Variants in LTN1 observed in about 807,000 individuals in gnomAD.
LTN1 encodes listerin E3 ubiquitin protein ligase 1, also known as E3 ubiquitin-protein ligase listerin.
LTN1 carries 88 observed loss-of-function variants against 201.2 expected under a neutral mutation model. The ratio of observed to expected loss-of-function variants is 0.44; its 90% CI spans 0.37 to 0.52. The LOEUF is 0.52. Among genes scored for constraint, LTN1 ranks in the 20% least tolerant of loss-of-function variants. LTN1 has a pLI of 0.00. For missense variants in LTN1, 1,752 were observed against 2,038.7 expected (o/e 0.86, Z 2.71); for synonymous variants, 645 against 713.5 (o/e 0.90, Z 1.53).
intron 13 of LTN1, 43 bp downstream of exon 13, chr21:28,959,415 A>G: frequency 1.3e-6 from 2 of 1,590,952 alleles, no homozygotes; most frequent in Non-Finnish European, 1.7e-6. Context: ...TGAAGGTCAG[A>G]GCCGGAGATT....
At position 28,967,031 on chromosome 21, in the gene LTN1, A is replaced by T; in HGVS notation, c.1460T>A (p.Leu487Gln). The part of the protein sequence containing the change: ...EKTAHNLENV[L>Q]IHFWERLSEI... ...TGACAGTCTTTCCCAGAAATGTATC[A>T]GTACGTTCTCCAAGTTGTGAGCTGT... Residue 487 changes from leucine (L) to glutamine (Q), a missense_variant, in exon 10 of 30, where the codon CTG (leucine) becomes CAG (glutamine). By Grantham distance (113) the Leu-to-Gln change is moderately radical (BLOSUM62 -2). Transcript: ENST00000361371. 1.2e-6 allele frequency: 2 copies of T among 1,614,176 alleles called. No individual in the cohort carries two copies. The highest frequency in any genetic ancestry group is 8.5e-7 in the Non-Finnish European group (1 of 1,180,022).
chr21:28,931,845 A>G (rs56372023), intron 28 of LTN1, among the ~76,000 whole-genome samples: 4,261 of 152,232 alleles, frequency 0.028, 210 homozygotes, highest in African/African-American at 0.097. Flanking sequence ...TCTACTAAAA[A>G]TACAAACAAT....
At position 28,986,646 on chromosome 21, in the gene LTN1, T is replaced by C. The variant is rs954457781; in HGVS notation, c.246+85A>G. 27 of 1,053,064 alleles carry C rather than the reference T, an allele frequency of 2.6e-5. No homozygotes were observed. In the African/African-American group the frequency reaches 4.2e-4, roughly 16 times the overall value. 65.2% of individuals were successfully genotyped at this position (1,053,064 alleles called of 1,614,324 possible). On this transcript the variant is annotated intron_variant, in intron 2 of 29. Transcript: ENST00000361371. This position sits in a 1 kb window ranked among gnomAD's most constrained non-coding sequence, Gnocchi z 4.1. ...AAGAACTTAGCAATAAATTGTTCAT[T>C]TTTCTTTACATAAAACATGCTAATG...
At chr21:28,952,981 C>G (rs1248467078) in intron 17 of LTN1, among the ~76,000 whole-genome samples, 1 of 152,160 alleles carries the variant, frequency 6.6e-6, no homozygotes, top group Non-Finnish European at 1.5e-5. Flanking sequence ...TTTTTGTCAT[C>G]TGACCCTTGT....
intron 1 of LTN1, among the ~76,000 whole-genome samples, chr21:28,992,280 G>A (rs2084752790): frequency 6.6e-6 from 1 of 152,298 alleles, no homozygotes. Context: ...TGGGACTGCA[G>A]ATGGAAAGGG....
At chr21:28,939,246 T>C (rs1207975161) in intron 25 of LTN1, among the ~76,000 whole-genome samples, 1 of 152,186 alleles carries the variant, frequency 6.6e-6, no homozygotes, top group Non-Finnish European at 1.5e-5. Flanking sequence ...AGATACTATA[T>C]GCCATTTTAT....
rs773927846 is a variant in LTN1, at chr21:28,944,566, T to C, written c.3799A>G (p.Ile1267Val). ...TTSENQALYS[I>V]PLVQLFACVS... ...CAGGCAAACAGTTGCACAAGTGGAA[T>C]AGAATACAATGCCTGATTCTCACTT... is the stretch of plus-strand genomic sequence containing the variant. Residue 1267 changes from isoleucine (I) to valine (V), a missense_variant, in exon 22 of 30, where the codon ATT (isoleucine) becomes GTT (valine). Coordinates refer to ENST00000361371, the MANE Select transcript of LTN1 (RefSeq NM_015565.3). 3 of 1,613,634 alleles carry C rather than the reference T, an allele frequency of 1.9e-6. No homozygotes were observed. In the African/African-American group the frequency reaches 4.0e-5, roughly 22 times the overall value.
Position 28,986,827 on chromosome 21 carries a change from A to G in LTN1, c.150T>C (p.Ala50=), listed in dbSNP as rs2084702087. ...TGTCAATTTCTTCAGCTCCTTGAATAGCAGGAACATAGCCTAGGTCACTCT... is the reference window on the plus strand; with the variant it reads ...TGTCAATTTCTTCAGCTCCTTGAATGGCAGGAACATAGCCTAGGTCACTCT... ...TSQSDLGYVP[A]IQGAEEIDSL... Residue 50 remains alanine, a synonymous_variant, in exon 2 of 30, where the codon GCT becomes GCC. Coordinates refer to ENST00000361371, the MANE Select transcript of LTN1 (RefSeq NM_015565.3). The surrounding 1 kb of genome is among the most constrained non-coding windows in gnomAD (Gnocchi z 4.1). The G allele has an allele frequency of 6.2e-7, 1 of 1,613,428 alleles. No homozygotes were observed. The highest frequency in any genetic ancestry group is 8.5e-7 in the Non-Finnish European group (1 of 1,179,430).
Position 28,945,888 on chromosome 21 carries a change from G to A in LTN1, c.3687C>T (p.Ser1229=), listed in dbSNP as rs1355475778. The change falls in exon 21 of 30, where the codon TCC becomes TCT. Residue 1229 remains serine (S), a synonymous_variant. Coordinates refer to ENST00000361371, the MANE Select transcript of LTN1 (RefSeq NM_015565.3). ...GVNIEIIRFL[S]LFLKYCSSPL... ...GGGATGAGCAGTATTTCAGAAATAG[G>A]GAAAGAAACCGGATTATTTCTATAT... is the stretch of plus-strand genomic sequence containing the variant. 5.0e-6 allele frequency: 8 copies of A among 1,613,380 alleles called. No homozygotes were observed. In the Admixed American group the frequency reaches 6.7e-5, roughly 13 times the overall value.
chr21:28,932,106 T>G (rs1026493269), intron 28 of LTN1, among the ~76,000 whole-genome samples: 1 of 152,242 alleles, frequency 6.6e-6, no homozygotes, highest in East Asian at 1.9e-4. Context: ...TTGAGGGTCC[T>G]GGGACTTCTC....
chr21:28,941,370 A>C lies in LTN1; in HGVS notation c.4332T>G (p.Ile1444Met). 1 of 1,613,272 alleles carries C rather than the reference A, an allele frequency of 6.2e-7. No individual in the cohort carries two copies. The highest frequency in any genetic ancestry group is 1.1e-5 in the South Asian group (1 of 90,926). The change falls in exon 25 of 30, where the codon ATT (isoleucine) becomes ATG (methionine). Residue 1444 changes from isoleucine (I) to methionine (M), a missense_variant. Physicochemically the swap from Ile to Met is conservative, Grantham distance 10 (BLOSUM62 1). Transcript: ENST00000361371. ...AAACATTTTCTAGTAAGTCCTCTTG[A>C]ATGCTAAGAAGAGACATCAGTGCTG... ...PPAALMSLLS[I>M]QEDLLENVLG...
At chr21:28,984,365 A>G (rs566146849) in intron 4 of LTN1, among the ~76,000 whole-genome samples, 1 of 152,192 alleles carries the variant, frequency 6.6e-6, no homozygotes, top group African/African-American at 2.4e-5. Flanking sequence ...TGATATGGAA[A>G]CACGAGAGAA....
intron 6 of LTN1, among the ~76,000 whole-genome samples, chr21:28,979,862 C>T (rs1401214729): frequency 6.6e-6 from 1 of 152,076 alleles, no homozygotes; most frequent in Middle Eastern, 3.2e-3. Flanking sequence ...ATCCCAGCTA[C>T]TTGGGAGGCT....
At chr21:28,953,604 C>A (rs906956152) in intron 16 of LTN1, among the ~76,000 whole-genome samples, 4 of 152,124 alleles carry the variant, frequency 2.6e-5, no homozygotes, top group Non-Finnish European at 5.9e-5. Flanking sequence ...GGTCCTTTTT[C>A]TAATTAGTTA....
At chr21:28,960,282 A>C (rs2084464809) in intron 12 of LTN1, among the ~76,000 whole-genome samples, 1 of 151,590 alleles carries the variant, frequency 6.6e-6, no homozygotes, top group South Asian at 2.1e-4. Flanking sequence ...CACAAGAATC[A>C]CTTGAACTCA....
rs112213645 is a variant in LTN1 at position 28,944,703 on chromosome 21, C to T, written c.3769-107G>A. 7.6e-4 allele frequency: 608 copies of T among 800,786 alleles called. 3 individuals carry two copies. In the African/African-American group the frequency reaches 8.1e-3, roughly 11 times the overall value. The allele number at this position is 800,786 out of a possible 1,614,324, so 49.6% of individuals were successfully genotyped here. A position where few individuals can be genotyped will look rare whatever the true frequency, so the allele number is the denominator to read the frequency against. ...ACTTTCATTTCTTTGAATTTTAAAA[C>T]GAAAAGCAGTTGAGGTGTGTAATCT... On this transcript the variant is annotated intron_variant, in intron 21 of 29. Transcript: ENST00000361371.
intron 6 of LTN1, among the ~76,000 whole-genome samples, chr21:28,972,606 A>C: frequency 6.6e-6 from 1 of 152,222 alleles, no homozygotes; most frequent in East Asian, 1.9e-4. Flanking sequence ...AAGACCGAGC[A>C]AAAGAAATTA....
chr21:28,934,164 C>T (rs1164391860), intron 27 of LTN1, among the ~76,000 whole-genome samples: 3 of 152,184 alleles, frequency 2.0e-5, no homozygotes, highest in African/African-American at 7.2e-5. Flanking sequence ...ATCAGTCTCG[C>T]TCTTTTCCCT....
Position 28,984,794 on chromosome 21 carries a change from A to C in LTN1, c.474T>G (p.Thr158=), listed in dbSNP as rs1449345018. The change falls in exon 4 of 30, where the codon ACT becomes ACG. Residue 158 remains threonine (T), a synonymous_variant. Transcript: ENST00000361371. The stretch of plus-strand genomic sequence containing the variant: ...TTGCTGCAAACGCAGCTGGTGTGTA[A>C]GTATCACACTGAGCCATTAGCCAAT... ...MGYWLMAQCD[T]YTPAAFAAKD... is the part of the protein sequence containing the mutation. 1 of 1,614,180 alleles carries C rather than the reference A, an allele frequency of 6.2e-7. No homozygotes were observed. Among genetic ancestry groups the C allele is most frequent in the Admixed American group, 1.7e-5 (1 of 60,028 alleles).
Sources: gnomAD v4.1 joint callset for allele counts (sites outside exome capture counted in the v4.1 genomes callset) on GRCh38, gnomAD v4.1.1 for gene constraint, Gnocchi (gnomAD v3.1) non-coding constraint, MANE v1.5 for transcripts, NCBI Gene and HGNC (gene_info 2026-07-23, HGNC 2026-07-21) for gene names.